The following NFATC1 variants were observed in gnomAD, a reference collection of about 807,000 sequenced individuals.
The protein encoded by NFATC1 is nuclear factor of activated T cells 1, also known as nuclear factor of activated T-cells, cytoplasmic 1.
A neutral mutation model predicts 76.0 loss-of-function variants in NFATC1; 22 were observed. The ratio of observed to expected loss-of-function variants is 0.29; its 90% CI spans 0.21 to 0.41. NFATC1 has a LOEUF of 0.41. NFATC1 is among the 10% of genes least tolerant of loss of function. The pLI is 1.00. For synonymous variants in NFATC1, 704 were observed against 613.1 expected, an observed-to-expected ratio of 1.15 and a Z score of -2.19; for missense variants, 1,357 against 1,337.7, an observed-to-expected ratio of 1.01 and a Z score of -0.23.
At chr18:79,397,725 G>A (rs1318761805) in intron 1 of NFATC1, among the ~76,000 whole-genome samples, 1 of 152,164 alleles carries the variant, frequency 6.6e-6, no homozygotes, top group Non-Finnish European at 1.5e-5. Flanking sequence ...AGAAAGGCAG[G>A]TCTTTCCAAG....
intron 9 of NFATC1, among the ~76,000 whole-genome samples, chr18:79,517,892 T>C (rs2090422582): frequency 6.6e-6 from 1 of 152,264 alleles, no homozygotes; most frequent in Admixed American, 6.5e-5. Flanking sequence ...AAAAATCGTT[T>C]ATGCAAGTTA....
Position 79,511,311 on chromosome 18 carries a change from C to A in NFATC1, c.2783-16217C>A, listed in dbSNP as rs74450512. On this transcript the variant is annotated intron_variant, in intron 9 of 9. Transcript: ENST00000427363. Reference sequence around the variant, plus strand: ...TTACAAGGCCCGACTCTGCCTCCCCCCTCCCCGCTGCTTCCGCGTTGGGAG... The same window carrying A: ...TTACAAGGCCCGACTCTGCCTCCCCACTCCCCGCTGCTTCCGCGTTGGGAG... Among the ~76,000 whole-genome samples, 11 of 152,234 alleles carry A rather than the reference C, an allele frequency of 7.2e-5. 1 individual carries two copies. Among genetic ancestry groups the A allele is most frequent in the South Asian group, 2.1e-4 (1 of 4,822 alleles).
intron 6 of NFATC1, among the ~76,000 whole-genome samples, chr18:79,458,260 C>T (rs1355053242): frequency 2.0e-5 from 3 of 151,520 alleles, no homozygotes; most frequent in Non-Finnish European, 4.4e-5. Context: ...GGGACGCTCG[C>T]TTCTGGGCAT....
intron 2 of NFATC1, among the ~76,000 whole-genome samples, chr18:79,418,934 C>T (rs1239886170): frequency 6.6e-6 from 1 of 152,192 alleles, no homozygotes; most frequent in Non-Finnish European, 1.5e-5. Flanking sequence ...CTCCCTGGTC[C>T]TTCTCAATGT....
intron 3 of NFATC1, among the ~76,000 whole-genome samples, chr18:79,439,247 G>T (rs996105051): frequency 2.3e-4 from 35 of 152,200 alleles, no homozygotes; most frequent in African/African-American, 8.4e-4. Context: ...GGAAAGCCGG[G>T]GAGGGACGTC....
chr18:79,467,507 C>A lies in NFATC1; in HGVS notation c.2017C>A (p.His673Asn). The change falls in exon 8 of 10, where the codon CAC becomes AAC. Residue 673 changes from histidine to asparagine, a missense_variant. Physicochemically the swap from His to Asn is moderately conservative, Grantham distance 68 (BLOSUM62 1). This residue lies in a region of NFATC1 where 424 missense variants were observed against 395.4 expected (regional missense o/e 1.07). Coordinates refer to ENST00000427363, the MANE Select transcript of NFATC1 (RefSeq NM_001278669.2). The part of the protein sequence containing the change: ...FRNQRITSPV[H>N]VSFYVCNGKR... ...GAATCAGAGGATAACCAGCCCCGTTCACGTCAGTTTCTACGTCTGCAACGG... is the reference window on the plus strand; with the variant it reads ...GAATCAGAGGATAACCAGCCCCGTTAACGTCAGTTTCTACGTCTGCAACGG... The A allele has an allele frequency of 6.2e-7, 1 of 1,613,612 alleles. No homozygotes were observed.
chr18:79,512,025 C>T (rs1040774102), intron 9 of NFATC1, among the ~76,000 whole-genome samples: 2 of 152,186 alleles, frequency 1.3e-5, no homozygotes, highest in African/African-American at 2.4e-5. Context: ...CGGGAGCACG[C>T]GGGGCACAGG....
chr18:79,479,800 C>A (rs568573554), intron 8 of NFATC1, among the ~76,000 whole-genome samples: 17 of 152,212 alleles, frequency 1.1e-4, no homozygotes, highest in Non-Finnish European at 1.0e-4. Context: ...CTGTGCTTCG[C>A]GGCAGTGCCC....
At chr18:79,484,806 T>C (rs1239871485) in intron 8 of NFATC1, among the ~76,000 whole-genome samples, 2 of 152,082 alleles carry the variant, frequency 1.3e-5, no homozygotes, top group East Asian at 1.9e-4. Context: ...TTGGCCACCA[T>C]GGATGACTCG....
At chr18:79,417,097 G>A (rs192916484) in intron 2 of NFATC1, among the ~76,000 whole-genome samples, 14 of 152,192 alleles carry the variant, frequency 9.2e-5, no homozygotes, top group Admixed American at 7.8e-4. Context: ...AGCTGTGGTG[G>A]GAGATGGGAG....
chr18:79,396,122 C>G lies in NFATC1; in HGVS notation c.-103C>G. On this transcript the variant is annotated 5_prime_UTR_variant, in exon 1 of 10. Transcript: ENST00000427363. ...CCTCCGGGGCGCGCGGCGCTGAGCCCGGGGCGAGGGCTGTCTTCCCGGAGA... is the reference window on the plus strand; with the variant it reads ...CCTCCGGGGCGCGCGGCGCTGAGCCGGGGGCGAGGGCTGTCTTCCCGGAGA... 1 of 1,220,264 alleles carries G rather than the reference C, an allele frequency of 8.2e-7. No homozygotes were observed. Among genetic ancestry groups the G allele is most frequent in the Non-Finnish European group, 1.0e-6 (1 of 967,912 alleles). 75.6% of individuals were successfully genotyped at this position (1,220,264 alleles called of 1,614,324 possible). A position where few individuals can be genotyped will look rare whatever the true frequency, so the allele number is the denominator to read the frequency against.
At chr18:79,451,901 T>C (rs1040650884) in intron 6 of NFATC1, 85 bp downstream of exon 6, 2 of 1,476,594 alleles carry the variant, frequency 1.4e-6, no homozygotes, top group African/African-American at 1.4e-5. Flanking sequence ...AGGACCCACC[T>C]GTGCACGGTC....
chr18:79,444,346 C>T lies in NFATC1; in HGVS notation c.1387-4436C>T, dbSNP rs1390953020. 4.6e-5 allele frequency among the ~76,000 whole-genome samples: 7 copies of T among 152,324 alleles called. 1 individual carries two copies. The highest frequency in any genetic ancestry group is 3.4e-3 in the Middle Eastern group (1 of 294). On this transcript the variant is annotated intron_variant, in intron 3 of 9. Transcript: ENST00000427363. ...CCTGAGTCTCCAGCCATGGCGTCCC[C>T]GTTCCTCCCGTTCCTTCTCTGCACT...
chr18:79,524,816 G>A lies in NFATC1; in HGVS notation c.2783-2712G>A, dbSNP rs571599708. ...AGGCTCAGGTGCTCGTGGGCAGCAA[G>A]GGGAAGCCCCATGGCCATGCCGCTT... On this transcript the variant is annotated intron_variant, in intron 9 of 9. Coordinates refer to ENST00000427363, the MANE Select transcript of NFATC1 (RefSeq NM_001278669.2). The surrounding 1 kb of genome is among the most constrained non-coding windows in gnomAD (Gnocchi z 7.2). 1.3e-5 allele frequency among the ~76,000 whole-genome samples: 2 copies of A among 152,150 alleles called. No homozygotes were observed. Among genetic ancestry groups the A allele is most frequent in the East Asian group, 3.9e-4 (2 of 5,164 alleles).
intron 9 of NFATC1, among the ~76,000 whole-genome samples, chr18:79,504,162 C>A (rs2090074043): frequency 1.3e-5 from 2 of 150,948 alleles, no homozygotes; most frequent in South Asian, 2.1e-4. Context: ...TTCTGTCTGT[C>A]TAGAGTTTTC....
chr18:79,457,475 T>TC (rs1055224136), intron 6 of NFATC1, among the ~76,000 whole-genome samples: 1 of 152,166 alleles, frequency 6.6e-6, no homozygotes, highest in Non-Finnish European at 1.5e-5. Context: ...CTCCCCTCCC[T>TC]CCTCTCCCTT....
chr18:79,405,387 A>G (rs1238714525), intron 1 of NFATC1, among the ~76,000 whole-genome samples: 1 of 152,254 alleles, frequency 6.6e-6, no homozygotes, highest in Non-Finnish European at 1.5e-5. Flanking sequence ...CTGACGTGAC[A>G]TGAATCAGCC....
chr18:79,476,367 C>T (rs2089069858), intron 8 of NFATC1, among the ~76,000 whole-genome samples: 1 of 152,260 alleles, frequency 6.6e-6, no homozygotes, highest in Admixed American at 6.5e-5. Context: ...ACACGGCGGG[C>T]AGCGCGGGCG....
At chr18:79,445,099 G>A (rs377716154) in intron 3 of NFATC1, among the ~76,000 whole-genome samples, 1 of 152,234 alleles carries the variant, frequency 6.6e-6, no homozygotes, top group Non-Finnish European at 1.5e-5. Flanking sequence ...TCGACTACTG[G>A]CTCCATTTTT....
Sources: gnomAD v4.1 joint callset for allele counts (sites outside exome capture counted in the v4.1 genomes callset) on GRCh38, gnomAD v4.1.1 for gene constraint, gnomAD v4.1.1 regional missense constraint, Gnocchi (gnomAD v3.1) non-coding constraint, MANE v1.5 for transcripts, NCBI Gene and HGNC (gene_info 2026-07-23, HGNC 2026-07-21) for gene names.